The following OSBPL9 variants were observed in gnomAD, a reference collection of about 807,000 sequenced individuals.
OSBPL9 encodes the protein oxysterol-binding protein-related protein 9.
A neutral mutation model predicts 106.6 loss-of-function variants in OSBPL9; 40 were observed. The observed-to-expected ratio is 0.38, with a 90% CI of 0.29 to 0.49. The LOEUF is 0.49. Among genes scored for constraint, OSBPL9 ranks in the 20% least tolerant of loss-of-function variants. The pLI, the probability that OSBPL9 is intolerant of heterozygous loss-of-function variation, is 0.97. For synonymous variants in OSBPL9, 269 were observed against 295.4 expected, an observed-to-expected ratio of 0.91 and a Z score of 0.92; for missense variants, 609 against 887.2, an observed-to-expected ratio of 0.69 and a Z score of 3.98.
chr1:51,591,331 C>T (rs1433098924), intron 1 of OSBPL9, among the ~76,000 whole-genome samples: 1 of 152,170 alleles, frequency 6.6e-6, no homozygotes, highest in Non-Finnish European at 1.5e-5. Context: ...TTCAGCCTCC[C>T]AAAACACTAG....
At chr1:51,563,074 G>A in the OSBPL9 span, among the ~76,000 whole-genome samples, 1 of 152,218 alleles carries the variant, frequency 6.6e-6, no homozygotes, top group African/African-American at 2.4e-5. Flanking sequence ...GCCAGGCGTG[G>A]TGGCACGTGC....
At chr1:51,596,990 G>A (rs559426712) in intron 1 of OSBPL9, among the ~76,000 whole-genome samples, 21 of 152,278 alleles carry the variant, frequency 1.4e-4, no homozygotes, top group Admixed American at 2.6e-4. Flanking sequence ...TTCATGCTGG[G>A]AGAGGAAAGG....
intron 3 of OSBPL9, chr1:51,707,238 T>C (rs1480673561): frequency 1.3e-5 from 4 of 316,376 alleles, no homozygotes; most frequent in Non-Finnish European, 2.0e-5. Flanking sequence ...AAAGTGGTCA[T>C]TGAGGGCAGT....
At chr1:51,561,028 G>A in the OSBPL9 span, 2 of 152,248 alleles carry the variant, frequency 1.3e-5, no homozygotes, top group Non-Finnish European at 2.9e-5. Context: ...CTTGAGGTCA[G>A]GAGTTGGAGA....
chr1:51,590,368 C>T (rs1645268402), intron 1 of OSBPL9, among the ~76,000 whole-genome samples: 1 of 151,504 alleles, frequency 6.6e-6, no homozygotes, highest in African/African-American at 2.4e-5. Context: ...AGCCTGTAAT[C>T]CCAGCACTTT....
chr1:51,625,229 T>G (rs1192972500), intron 1 of OSBPL9, among the ~76,000 whole-genome samples: 1 of 152,234 alleles, frequency 6.6e-6, no homozygotes, highest in Admixed American at 6.5e-5. Flanking sequence ...GGTGATAATT[T>G]GTAGAAAGAT....
intron 3 of OSBPL9, among the ~76,000 whole-genome samples, chr1:51,673,249 T>C (rs1650332710): frequency 6.6e-6 from 1 of 152,072 alleles, no homozygotes; most frequent in South Asian, 2.1e-4. Flanking sequence ...TCAAATAAGA[T>C]GAGGATTGAG....
At chr1:51,732,163 A>G (rs898874481) in intron 4 of OSBPL9, among the ~76,000 whole-genome samples, 3 of 152,200 alleles carry the variant, frequency 2.0e-5, no homozygotes, top group Non-Finnish European at 4.4e-5. Flanking sequence ...TTTTGTTAGC[A>G]CCATGTTCTG....
At chr1:51,749,338 G>A (rs1668736352) in intron 7 of OSBPL9, among the ~76,000 whole-genome samples, 1 of 151,702 alleles carries the variant, frequency 6.6e-6, no homozygotes, top group African/African-American at 2.4e-5. Flanking sequence ...TAAGAAACAG[G>A]GTCTTGCTGT....
chr1:51,660,768 C>T (rs1324457136), intron 2 of OSBPL9, among the ~76,000 whole-genome samples: 1 of 152,174 alleles, frequency 6.6e-6, no homozygotes, highest in South Asian at 2.1e-4. Flanking sequence ...TTGATTCTGT[C>T]ACTCCTCTCT....
At chr1:51,758,751 A>G (rs1045208372) in intron 9 of OSBPL9, among the ~76,000 whole-genome samples, 3 of 152,186 alleles carry the variant, frequency 2.0e-5, no homozygotes, top group African/African-American at 7.2e-5. Flanking sequence ...GAGGTGTGAC[A>G]TATTCTCACT....
the OSBPL9 span, among the ~76,000 whole-genome samples, chr1:51,560,599 G>T: frequency 6.6e-6 from 1 of 152,146 alleles, no homozygotes; most frequent in Non-Finnish European, 1.5e-5. Flanking sequence ...CCTTTACTCT[G>T]GGGCCTTGAG....
intron 2 of OSBPL9, among the ~76,000 whole-genome samples, chr1:51,656,511 A>C (rs987260979): frequency 1.3e-5 from 2 of 151,698 alleles, no homozygotes; most frequent in African/African-American, 4.8e-5. Context: ...TGCACCCCCT[A>C]TCTGATGAGC....
intron 1 of OSBPL9, among the ~76,000 whole-genome samples, chr1:51,647,194 G>A (rs1371061107): frequency 6.6e-6 from 1 of 151,872 alleles, no homozygotes; most frequent in Non-Finnish European, 1.5e-5. Flanking sequence ...TGTGATTTTT[G>A]TTCTTTATTT....
At chr1:51,753,902 A>T (rs913377353) in intron 8 of OSBPL9, among the ~76,000 whole-genome samples, 1 of 152,130 alleles carries the variant, frequency 6.6e-6, no homozygotes, top group African/African-American at 2.4e-5. Context: ...GTGGGGTATC[A>T]CCTGGGTATT....
At chr1:51,555,256 C>T in the OSBPL9 span, among the ~76,000 whole-genome samples, 33 of 152,020 alleles carry the variant, frequency 2.2e-4, no homozygotes, top group Non-Finnish European at 3.4e-4. Context: ...CTTTGGGAGG[C>T]CGAGGCGGGC....
intron 4 of OSBPL9, among the ~76,000 whole-genome samples, chr1:51,721,870 T>A (rs1450992774): frequency 6.6e-6 from 1 of 152,250 alleles, no homozygotes; most frequent in Non-Finnish European, 1.5e-5. Flanking sequence ...AGTTAAATAG[T>A]GCATGCTCAA....
chr1:51,666,112 G>T (rs1438089974), intron 2 of OSBPL9, among the ~76,000 whole-genome samples: 2 of 152,004 alleles, frequency 1.3e-5, no homozygotes, highest in Non-Finnish European at 2.9e-5. Flanking sequence ...CCTCCCAAAG[G>T]GCTAGGATTA....
intron 17 of OSBPL9, among the ~76,000 whole-genome samples, chr1:51,783,410 T>G (rs906786637): frequency 6.6e-6 from 1 of 151,680 alleles, no homozygotes; most frequent in Admixed American, 6.6e-5. Flanking sequence ...GGTCTCAAAT[T>G]CCTGGCCCCA....
Sources: gnomAD v4.1 joint callset for allele counts (sites outside exome capture counted in the v4.1 genomes callset) on GRCh38, gnomAD v4.1.1 for gene constraint, MANE v1.5 for transcripts, NCBI Gene and HGNC (gene_info 2026-07-23, HGNC 2026-07-21) for gene names.